The following PLG variants were observed in gnomAD, a reference collection of about 807,000 sequenced individuals.
PLG encodes plasmin.
In PLG, 41 loss-of-function variants were observed where a neutral mutation model predicts 104.4. The observed-to-expected ratio is 0.39, with a 90% CI of 0.31 to 0.51. The LOEUF is 0.51. Ranked by LOEUF, PLG falls within the 20% of genes least tolerant of loss-of-function variation. PLG has a pLI of 0.76. For synonymous variants in PLG, 337 were observed against 357.1 expected (o/e 0.94, Z 0.63); for missense variants, 891 against 1,003.6 (o/e 0.89, Z 1.52).
At position 160,741,371 on chromosome 6, in the gene PLG, C is replaced by T. The variant is rs1562381366; in HGVS notation, c.2079C>T (p.Val693=). 1.9e-6 allele frequency: 3 copies of T among 1,613,560 alleles called. No homozygotes were observed. Among genetic ancestry groups the T allele is most frequent in the Non-Finnish European group, 2.5e-6 (3 of 1,179,442 alleles). Residue 693 remains valine (V), a synonymous_variant, in exon 17 of 19, where the codon GTC becomes GTT. Transcript: ENST00000308192. This position sits in a 1 kb window ranked among gnomAD's most constrained non-coding sequence, Gnocchi z 4.7. ...GTCTGCCATCCCCAAATTATGTGGT[C>T]GCTGACCGGACCGAATGTTTCATCA... ...PACLPSPNYV[V]ADRTECFITG...
chr6:160,704,351 C>T (rs566652457), intron 1 of PLG, among the ~76,000 whole-genome samples: 1 of 152,262 alleles, frequency 6.6e-6, no homozygotes, highest in East Asian at 1.9e-4. Flanking sequence ...AGCATAGTAA[C>T]ATAACACAGA....
intron 1 of PLG, among the ~76,000 whole-genome samples, chr6:160,702,857 T>TA (rs776889238): frequency 1.3e-5 from 2 of 152,220 alleles, no homozygotes; most frequent in Non-Finnish European, 2.9e-5. Context: ...TTTCCATCAG[T>TA]ATACGTTTGC....
chr6:160,711,981 T>C (rs1480258285), intron 4 of PLG: 61 of 1,164,382 alleles, frequency 5.2e-5, no homozygotes, highest in Non-Finnish European at 6.3e-5. Flanking sequence ...GTAATGACGC[T>C]TATCAAATAG....
chr6:160,713,091 G>C lies in PLG; in HGVS notation c.513G>C (p.Lys171Asn), dbSNP rs374619723. 26 of 1,610,634 alleles carry C rather than the reference G, an allele frequency of 1.6e-5. No individual in the cohort carries two copies. Among genetic ancestry groups the C allele is most frequent in the South Asian group, 7.7e-5 (7 of 90,964 alleles). ...GPWCYTTDPE[K>N]RYDYCDILEC... ...GGTGCTATACTACTGATCCAGAAAAGAGATATGACTACTGCGACATTCTTG... is the reference window on the plus strand; with the variant it reads ...GGTGCTATACTACTGATCCAGAAAACAGATATGACTACTGCGACATTCTTG... The change falls in exon 5 of 19, where the codon AAG (lysine) becomes AAC (asparagine). Residue 171 changes from lysine (K) to asparagine (N), a missense_variant. Lys to Asn is a moderately conservative substitution (Grantham distance 94). This residue lies in a region of PLG where 854 missense variants were observed against 932.1 expected (regional missense o/e 0.92). Coordinates refer to ENST00000308192, the MANE Select transcript of PLG (RefSeq NM_000301.5).
chr6:160,718,612 C>A, intron 8 of PLG, 81 bp from the exon 9 acceptor site: 1 of 1,485,036 alleles, frequency 6.7e-7, no homozygotes, highest in Non-Finnish European at 9.4e-7. Flanking sequence ...ACGTTTTTTC[C>A]CGTAACGGTT....
chr6:160,746,198 ATGGACAATATCC>A (rs1194236143), intron 17 of PLG, among the ~76,000 whole-genome samples: 34 of 152,212 alleles, frequency 2.2e-4, no homozygotes. Context: ...AGAAGTTTTC[ATGGACAATATCC>A]TGAAATGTTT....
At chr6:160,710,980 TG>T in intron 3 of PLG, 96 bp from the exon 4 acceptor site, 1 of 1,064,162 alleles carries the variant, frequency 9.4e-7, no homozygotes, top group South Asian at 1.3e-5. Flanking sequence ...ACAGGGGGTC[TG>T]GTGCATGAGA....
At chr6:160,745,357 ATAG>A (rs773680470) in intron 17 of PLG, among the ~76,000 whole-genome samples, 3 of 151,816 alleles carry the variant, frequency 2.0e-5, no homozygotes, top group Non-Finnish European at 2.9e-5. Flanking sequence ...TGTATTTAGG[ATAG>A]TAGATCTTCT....
chr6:160,731,984 C>T lies in PLG; in HGVS notation c.1587+91C>T, dbSNP rs898095454. The T allele has an allele frequency of 2.4e-5, 33 of 1,351,556 alleles. No individual in the cohort carries two copies. Among genetic ancestry groups the T allele is most frequent in the Admixed American group, 3.4e-5 (2 of 59,546 alleles). The allele number at this position is 1,351,556 out of a possible 1,614,324, so 83.7% of individuals were successfully genotyped here. ...TGTGTTACAGAAAATCTGACCTGGA[C>T]TGCTCTTTTTTGTAATGGGGGAGAG... is the stretch of plus-strand genomic sequence containing the variant. On this transcript the variant is annotated intron_variant, in intron 12 of 18. Transcript: ENST00000308192. The surrounding 1 kb of genome is among the most constrained non-coding windows in gnomAD (Gnocchi z 5.1).
At chr6:160,733,063 C>T (rs559646378) in intron 12 of PLG, among the ~76,000 whole-genome samples, 226 of 152,270 alleles carry the variant, frequency 1.5e-3, no homozygotes, top group Admixed American at 2.5e-3. Context: ...ATCCAAGAAC[C>T]CACCAAGAGT....
At position 160,736,847 on chromosome 6, in the gene PLG, C is replaced by T. The variant is rs750883032; in HGVS notation, c.1682-40C>T. 1.9e-6 allele frequency: 3 copies of T among 1,612,148 alleles called. No homozygotes were observed. Among genetic ancestry groups the T allele is most frequent in the Non-Finnish European group, 2.5e-6 (3 of 1,178,766 alleles). ...TCGAATTACACCACAAAATTGCTAC[C>T]TTGTCTCAAATGGGATTTCTTTCCC... On this transcript the variant is annotated intron_variant, in intron 13 of 18. Coordinates refer to ENST00000308192, the MANE Select transcript of PLG (RefSeq NM_000301.5). This position sits in a 1 kb window ranked among gnomAD's most constrained non-coding sequence, Gnocchi z 5.2.
At chr6:160,742,949 G>T (rs12196631) in intron 17 of PLG, among the ~76,000 whole-genome samples, 1 of 150,980 alleles carries the variant, frequency 6.6e-6, no homozygotes, top group Non-Finnish European at 1.5e-5. Context: ...TTAAAAATCA[G>T]ATGTCTGTAG....
At chr6:160,730,973 G>A in intron 10 of PLG, 78 bp from the exon 11 acceptor site, 1 of 1,425,610 alleles carries the variant, frequency 7.0e-7, no homozygotes. Flanking sequence ...CACTTTGTTA[G>A]AACAAAATGT....
Position 160,722,449 on chromosome 6 carries a change from G to A in PLG, c.1138G>A (p.Gly380Ser), listed in dbSNP as rs769578807. Residue 380 changes from glycine (G) to serine (S), a missense_variant, in exon 10 of 19, where the codon GGT becomes AGT. By Grantham distance (56) the Gly-to-Ser change is moderately conservative (BLOSUM62 0). Coordinates refer to ENST00000308192, the MANE Select transcript of PLG (RefSeq NM_000301.5). ...LTPVVQDCYH[G>S]DGQSYRGTSS... ...CCCTGTGGTCCAGGACTGCTACCAT[G>A]GTGATGGACAGAGCTACCGAGGCAC... 3 of 1,612,714 alleles carry A rather than the reference G, an allele frequency of 1.9e-6. No individual in the cohort carries two copies. The highest frequency in any genetic ancestry group is 1.7e-5 in the Admixed American group (1 of 60,008).
intron 7 of PLG, among the ~76,000 whole-genome samples, chr6:160,717,547 T>C (rs563390757): frequency 1.3e-5 from 2 of 152,258 alleles, no homozygotes; most frequent in African/African-American, 2.4e-5. Flanking sequence ...CTTGGAGGTG[T>C]TTTTTGCCTT....
intron 1 of PLG, 88 bp from the exon 2 acceptor site, chr6:160,706,319 A>T: frequency 6.4e-7 from 1 of 1,565,876 alleles, no homozygotes; most frequent in South Asian, 1.1e-5. Flanking sequence ...GGTTAATGCT[A>T]ACCAAATAGA....
intron 17 of PLG, among the ~76,000 whole-genome samples, chr6:160,750,850 A>T (rs571036631): frequency 6.6e-6 from 1 of 152,226 alleles, no homozygotes; most frequent in Non-Finnish European, 1.5e-5. Flanking sequence ...ATTTGTGACG[A>T]CACTGAGACA....
At chr6:160,748,401 G>GAAAGAAAGAAAGAAAGA (rs1562383473) in intron 17 of PLG, among the ~76,000 whole-genome samples, 23 of 71,100 alleles carry the variant, frequency 3.2e-4, no homozygotes, top group Non-Finnish European at 4.0e-4. Context: ...AGAAAGAAAG[G>GAAAGAAAGAAAGAAAGA]AAGAAAGAAA....
rs1347053938 is a variant in PLG at position 160,723,634 on chromosome 6, G to A, written c.1256+1067G>A. 1.3e-5 allele frequency among the ~76,000 whole-genome samples: 2 copies of A among 152,186 alleles called. No individual in the cohort carries two copies. Among genetic ancestry groups the A allele is most frequent in the Non-Finnish European group, 2.9e-5 (2 of 68,032 alleles). Reference sequence around the variant, plus strand: ...ACATTGTGGAGGAAAGCAGCTCCAGGAATGTCCATAGAAAAGTCCTCAAGT... The same window carrying A: ...ACATTGTGGAGGAAAGCAGCTCCAGAAATGTCCATAGAAAAGTCCTCAAGT... On this transcript the variant is annotated intron_variant, in intron 10 of 18. Coordinates refer to ENST00000308192, the MANE Select transcript of PLG (RefSeq NM_000301.5). The surrounding 1 kb of genome is among the most constrained non-coding windows in gnomAD (Gnocchi z 4.7).
Sources: gnomAD v4.1 joint callset for allele counts (sites outside exome capture counted in the v4.1 genomes callset) on GRCh38, gnomAD v4.1.1 for gene constraint, gnomAD v4.1.1 regional missense constraint, Gnocchi (gnomAD v3.1) non-coding constraint, MANE v1.5 for transcripts, NCBI Gene and HGNC (gene_info 2026-07-23, HGNC 2026-07-21) for gene names.